The following SUGCT variants were observed in gnomAD, a reference collection of about 807,000 sequenced individuals.
SUGCT encodes the protein succinyl-CoA:glutarate CoA-transferase.
Under a neutral mutation model 55.0 loss-of-function variants are expected in SUGCT, and 41 were observed. The observed-to-expected ratio is 0.74, with a 90% CI of 0.58 to 0.97. The LOEUF is 0.97. Among genes scored for constraint, SUGCT ranks in the 50% least tolerant of loss-of-function variants. The probability of loss-of-function intolerance (pLI) is 0.00; values close to 1 mark genes in which losing one functional copy is unlikely to be tolerated. For synonymous variants in SUGCT, 187 were observed against 200.4 expected (o/e 0.93, Z 0.56); for missense variants, 568 against 547.8 (o/e 1.04, Z -0.37).
At chr7:40,377,124 C>CTTTCTTTCT (rs1169562229) in intron 9 of SUGCT, among the ~76,000 whole-genome samples, 1 of 10,426 alleles carries the variant, frequency 9.6e-5, no homozygotes, top group African/African-American at 1.2e-4. Context: ...AATTTTCAGC[C>CTTTCTTTCT]TTCCTCTTTC....
At chr7:40,477,063 C>G (rs1790734499) in intron 11 of SUGCT, among the ~76,000 whole-genome samples, 1 of 152,076 alleles carries the variant, frequency 6.6e-6, no homozygotes, top group Non-Finnish European at 1.5e-5. Flanking sequence ...TGTGTTTATT[C>G]TTCAATTAAT....
intron 9 of SUGCT, among the ~76,000 whole-genome samples, chr7:40,322,781 G>A (rs552381310): frequency 3.9e-5 from 6 of 152,036 alleles, no homozygotes; most frequent in Non-Finnish European, 5.9e-5. Flanking sequence ...AGTGAGACCT[G>A]TCTCTCAAAT....
intron 12 of SUGCT, among the ~76,000 whole-genome samples, chr7:40,734,064 C>T (rs951133794): frequency 3.9e-5 from 6 of 152,156 alleles, no homozygotes; most frequent in East Asian, 1.9e-4. Context: ...TGTTGCAATT[C>T]GATCCCAAAG....
intron 12 of SUGCT, among the ~76,000 whole-genome samples, chr7:40,553,495 A>G (rs1055337677): frequency 1.3e-4 from 20 of 152,204 alleles, no homozygotes; most frequent in African/African-American, 4.8e-4. Flanking sequence ...TTTTATAATA[A>G]TATATGAGAA....
the SUGCT span, among the ~76,000 whole-genome samples, chr7:41,020,248 G>T: frequency 2.0e-5 from 3 of 152,158 alleles, no homozygotes; most frequent in African/African-American, 4.8e-5. Flanking sequence ...TTCCAGAAGG[G>T]TGAATGAACA....
At chr7:40,461,951 C>T (rs1789826696) in intron 11 of SUGCT, among the ~76,000 whole-genome samples, 1 of 152,222 alleles carries the variant, frequency 6.6e-6, no homozygotes, top group Non-Finnish European at 1.5e-5. Context: ...TTTCATCTCT[C>T]ATATTGCCTC....
intron 9 of SUGCT, among the ~76,000 whole-genome samples, chr7:40,404,238 G>GA (rs1333949019): frequency 3.3e-5 from 5 of 151,842 alleles, no homozygotes; most frequent in Non-Finnish European, 7.4e-5. Context: ...TCATCAGAGA[G>GA]AAAAAAAATT....
intron 12 of SUGCT, among the ~76,000 whole-genome samples, chr7:40,653,326 A>G (rs533499731): frequency 2.0e-4 from 30 of 152,212 alleles, no homozygotes; most frequent in Non-Finnish European, 4.1e-4. Flanking sequence ...AGGGTTGAAT[A>G]TGGGATTAGT....
intron 12 of SUGCT, among the ~76,000 whole-genome samples, chr7:40,516,910 C>T (rs992046204): frequency 6.6e-5 from 10 of 151,958 alleles, no homozygotes; most frequent in Admixed American, 2.6e-4. Context: ...ATGCAATTTT[C>T]GTTCATACTG....
chr7:40,442,590 T>C (rs1027277857), intron 9 of SUGCT, among the ~76,000 whole-genome samples: 5 of 152,102 alleles, frequency 3.3e-5, no homozygotes, highest in African/African-American at 1.2e-4. Flanking sequence ...TAATGCCTTC[T>C]TTACTAGAAA....
chr7:40,385,917 T>G (rs945997877), intron 9 of SUGCT, among the ~76,000 whole-genome samples: 1 of 152,228 alleles, frequency 6.6e-6, no homozygotes, highest in Non-Finnish European at 1.5e-5. Flanking sequence ...ATGTAACAAT[T>G]GTTAGGGGGG....
the SUGCT span, among the ~76,000 whole-genome samples, chr7:41,019,950 G>A: frequency 2.6e-5 from 4 of 152,108 alleles, no homozygotes; most frequent in East Asian, 7.7e-4. Flanking sequence ...TTCCTAGCTG[G>A]CTGTCACTTG....
At chr7:40,836,082 A>G (rs577901860) in intron 13 of SUGCT, among the ~76,000 whole-genome samples, 1 of 150,352 alleles carries the variant, frequency 6.7e-6, no homozygotes, top group East Asian at 2.0e-4. Flanking sequence ...TTTTTTTAGT[A>G]GAGATGAAGT....
chr7:40,226,532 A>T (rs1788367368), intron 6 of SUGCT, among the ~76,000 whole-genome samples: 1 of 152,156 alleles, frequency 6.6e-6, no homozygotes, highest in Non-Finnish European at 1.5e-5. Flanking sequence ...TTTCTGAATT[A>T]ACTCTATAAA....
chr7:41,008,390 T>G, the SUGCT span, among the ~76,000 whole-genome samples: 1 of 152,134 alleles, frequency 6.6e-6, no homozygotes, highest in African/African-American at 2.4e-5. Context: ...GCACCTCCTC[T>G]CACATCCGGG....
intron 13 of SUGCT, among the ~76,000 whole-genome samples, chr7:40,771,252 T>C (rs1789089206): frequency 6.6e-6 from 1 of 152,116 alleles, no homozygotes; most frequent in Non-Finnish European, 1.5e-5. Context: ...TAAATACAGT[T>C]TAGAAAGGTG....
chr7:40,495,731 T>G (rs1791934806), intron 11 of SUGCT, among the ~76,000 whole-genome samples: 1 of 152,234 alleles, frequency 6.6e-6, no homozygotes, highest in African/African-American at 2.4e-5. Flanking sequence ...ATTTGAGTTT[T>G]GTTGGTTAAA....
intron 12 of SUGCT, among the ~76,000 whole-genome samples, chr7:40,573,791 C>T (rs1223595194): frequency 6.6e-6 from 1 of 152,090 alleles, no homozygotes; most frequent in African/African-American, 2.4e-5. Context: ...TCCAAGATCC[C>T]CCAGGTAGCA....
At position 40,444,653 on chromosome 7, in the gene SUGCT, A is replaced by G. The variant is rs180883987; in HGVS notation, c.817-4634A>G. ...GACGATGGGGTTTTCTAAATATACA[A>G]TCATGTCATCTGCAAACAGGGACAA... On this transcript the variant is annotated intron_variant, in intron 9 of 13. Transcript: ENST00000335693. Among the ~76,000 whole-genome samples the G allele has an allele frequency of 1.6e-4, 24 of 152,270 alleles. 1 individual carries two copies. The highest frequency in any genetic ancestry group is 5.2e-4 in the Admixed American group (8 of 15,290).
Sources: gnomAD v4.1 joint callset for allele counts (sites outside exome capture counted in the v4.1 genomes callset) on GRCh38, gnomAD v4.1.1 for gene constraint, MANE v1.5 for transcripts, NCBI Gene and HGNC (gene_info 2026-07-23, HGNC 2026-07-21) for gene names.